Variants in FHIT observed in about 807,000 individuals in gnomAD.
The protein encoded by FHIT is bis(5'-adenosyl)-triphosphatase.
FHIT carries 19 observed loss-of-function variants against 17.9 expected under a neutral mutation model. The ratio of observed to expected loss-of-function variants is 1.06; its 90% CI spans 0.74 to 1.56. The LOEUF (loss-of-function observed/expected upper bound fraction) is 1.56, where lower values mean the gene tolerates loss of function less well. Ranked by LOEUF, FHIT falls within the 40% of genes most tolerant of loss-of-function variation. FHIT has a pLI of 0.00. For synonymous variants in FHIT, 81 were observed against 69.7 expected (o/e 1.16, Z -0.81); for missense variants, 248 against 189.2 (o/e 1.31, Z -1.82).
chr3:60,690,483 G>A lies in FHIT; in HGVS notation c.-18+131436C>T, dbSNP rs1186028457. 11 of 568,148 alleles carry A rather than the reference G, an allele frequency of 1.9e-5. No individual in the cohort carries two copies. In the African/African-American group the frequency reaches 2.1e-4, roughly 11 times the overall value. The allele number at this position is 568,148 out of a possible 1,614,324, so 35.2% of individuals were successfully genotyped here. A position where few individuals can be genotyped will look rare whatever the true frequency, so the allele number is the denominator to read the frequency against. ...AGTTCTCGTCATCAAATTTCTCCCT[G>A]TAGATGGACTTGCTACCAGTGCCAT... On this transcript the variant is annotated intron_variant, in intron 4 of 9. Transcript: ENST00000492590.
At chr3:60,189,968 T>C (rs1702329207) in intron 5 of FHIT, among the ~76,000 whole-genome samples, 1 of 152,202 alleles carries the variant, frequency 6.6e-6, no homozygotes, top group South Asian at 2.1e-4. Context: ...CAAAGGATGC[T>C]CTTTCCCTTA....
At position 59,867,022 on chromosome 3, in the gene FHIT, G is replaced by A. The variant is rs1702684530; in HGVS notation, c.348+55324C>T. 2.0e-5 allele frequency among the ~76,000 whole-genome samples: 3 copies of A among 150,848 alleles called. No homozygotes were observed. In the South Asian group the frequency reaches 6.3e-4, roughly 32 times the overall value. Reference sequence around the variant, plus strand: ...TTTCTATGATAAATAAGGGGTTCGTGAAGTTCATTAACAGGGATTGCATCA... The same window carrying A: ...TTTCTATGATAAATAAGGGGTTCGTAAAGTTCATTAACAGGGATTGCATCA... On this transcript the variant is annotated intron_variant, in intron 8 of 9. Transcript: ENST00000492590.
At chr3:60,597,941 A>T (rs1202157180) in intron 4 of FHIT, among the ~76,000 whole-genome samples, 1 of 152,166 alleles carries the variant, frequency 6.6e-6, no homozygotes, top group African/African-American at 2.4e-5. Flanking sequence ...GCAACATCAG[A>T]GAGATACCAA....
intron 1 of FHIT, among the ~76,000 whole-genome samples, chr3:61,205,861 G>C (rs1458997538): frequency 1.3e-5 from 2 of 149,948 alleles, no homozygotes; most frequent in Admixed American, 1.3e-4. Context: ...TAATGCCATT[G>C]CTTTTGGTGT....
chr3:60,895,160 G>C (rs1553761583), intron 3 of FHIT, among the ~76,000 whole-genome samples: 1 of 152,128 alleles, frequency 6.6e-6, no homozygotes, highest in Non-Finnish European at 1.5e-5. Context: ...TAACATTCTT[G>C]AAGAGGACAG....
chr3:61,244,352 C>A (rs1345456765), intron 1 of FHIT, among the ~76,000 whole-genome samples: 1 of 152,134 alleles, frequency 6.6e-6, no homozygotes, highest in Non-Finnish European at 1.5e-5. Context: ...CATTAGGAGG[C>A]CAGGTACCTC....
chr3:60,435,764 C>G (rs1288388331), intron 5 of FHIT, among the ~76,000 whole-genome samples: 1 of 152,076 alleles, frequency 6.6e-6, no homozygotes, highest in Non-Finnish European at 1.5e-5. Context: ...GGTATTAAGC[C>G]TAGTACTCAT....
intron 5 of FHIT, among the ~76,000 whole-genome samples, chr3:60,310,260 G>A (rs185010600): frequency 2.0e-5 from 3 of 152,228 alleles, no homozygotes; most frequent in Admixed American, 2.0e-4. Flanking sequence ...GTTGACATCT[G>A]CCTCTCTGTT....
intron 7 of FHIT, among the ~76,000 whole-genome samples, chr3:59,982,018 G>C (rs535646494): frequency 2.6e-5 from 4 of 152,028 alleles, no homozygotes; most frequent in African/African-American, 7.2e-5. Context: ...ACTTCTTTCT[G>C]AACAGGTATT....
At chr3:60,428,666 G>T (rs1313206463) in intron 5 of FHIT, among the ~76,000 whole-genome samples, 40 of 152,242 alleles carry the variant, frequency 2.6e-4, no homozygotes, top group Non-Finnish European at 3.4e-4. Context: ...AAGTGACAGG[G>T]GTAAATGCAA....
At chr3:60,099,480 G>T (rs1211776931) in intron 5 of FHIT, among the ~76,000 whole-genome samples, 2 of 152,126 alleles carry the variant, frequency 1.3e-5, no homozygotes, top group African/African-American at 4.8e-5. Context: ...GACCCAATCA[G>T]TAGGACTTTA....
chr3:61,203,467 T>C (rs1489895750), intron 1 of FHIT, among the ~76,000 whole-genome samples: 1 of 151,632 alleles, frequency 6.6e-6, no homozygotes, highest in East Asian at 1.9e-4. Context: ...CTCACAGTAG[T>C]TTACTTTTGC....
intron 7 of FHIT, among the ~76,000 whole-genome samples, chr3:59,940,457 G>C (rs1176146890): frequency 1.3e-5 from 2 of 152,126 alleles, no homozygotes; most frequent in Non-Finnish European, 2.9e-5. Flanking sequence ...AACTAATGTG[G>C]AGTCAATATA....
chr3:61,223,868 C>T (rs1359805079), intron 1 of FHIT, among the ~76,000 whole-genome samples: 1 of 117,132 alleles, frequency 8.5e-6, no homozygotes, highest in Non-Finnish European at 2.0e-5. Flanking sequence ...TTCAAGCCAA[C>T]AGAATATGAT....
intron 2 of FHIT, chr3:61,166,945 C>T (rs1286068566): frequency 6.6e-6 from 1 of 152,186 alleles, no homozygotes; most frequent in East Asian, 1.9e-4. Context: ...AAAGCCTCAA[C>T]AGGTAAAATG....
chr3:60,857,725 T>A (rs1553750335), intron 3 of FHIT, among the ~76,000 whole-genome samples: 1 of 152,104 alleles, frequency 6.6e-6, no homozygotes, highest in Non-Finnish European at 1.5e-5. Flanking sequence ...GGCCAGGAGT[T>A]CAAGACCAGC....
intron 5 of FHIT, among the ~76,000 whole-genome samples, chr3:60,413,230 A>C (rs1346762943): frequency 6.6e-6 from 1 of 152,206 alleles, no homozygotes; most frequent in Non-Finnish European, 1.5e-5. Flanking sequence ...TCAGAAGGAA[A>C]ATTTATTAAA....
chr3:60,481,880 C>T (rs186320008), intron 5 of FHIT, among the ~76,000 whole-genome samples: 88 of 152,228 alleles, frequency 5.8e-4, no homozygotes, highest in African/African-American at 2.1e-3. Context: ...CACAGACTGG[C>T]AAATTGGATA....
chr3:60,401,977 G>T (rs1366804660), intron 5 of FHIT, among the ~76,000 whole-genome samples: 1 of 151,984 alleles, frequency 6.6e-6, no homozygotes, highest in African/African-American at 2.4e-5. Context: ...CTGTAATGAT[G>T]GCAGCCTTTA....
Sources: gnomAD v4.1 joint callset for allele counts (sites outside exome capture counted in the v4.1 genomes callset) on GRCh38, gnomAD v4.1.1 for gene constraint, MANE v1.5 for transcripts, NCBI Gene and HGNC (gene_info 2026-07-23, HGNC 2026-07-21) for gene names.